CNTNAP4: variants seen among roughly 807,000 people sequenced by gnomAD.
The protein encoded by CNTNAP4 is contactin-associated protein-like 4.
Under a neutral mutation model 148.4 loss-of-function variants are expected in CNTNAP4, and 98 were observed. The ratio of observed to expected loss-of-function variants is 0.66; its 90% CI spans 0.56 to 0.78. CNTNAP4 has a LOEUF of 0.78. Ranked by LOEUF, CNTNAP4 falls within the 30% of genes least tolerant of loss-of-function variation. CNTNAP4 has a pLI of 0.00. For missense variants in CNTNAP4, 1,935 were observed against 1,565.6 expected, an observed-to-expected ratio of 1.24 and a Z score of -3.98; for synonymous variants, 730 against 565.1, an observed-to-expected ratio of 1.29 and a Z score of -4.14.
chr16:76,322,131 G>A (rs531874138), intron 2 of CNTNAP4, among the ~76,000 whole-genome samples: 1 of 152,334 alleles, frequency 6.6e-6, no homozygotes, highest in African/African-American at 2.4e-5. Flanking sequence ...CCGATGTGCT[G>A]AGAGTATGCC....
At chr16:76,302,222 A>C (rs533610138) in intron 1 of CNTNAP4, among the ~76,000 whole-genome samples, 1 of 152,192 alleles carries the variant, frequency 6.6e-6, no homozygotes, top group Admixed American at 6.5e-5. Flanking sequence ...AGAAAGTGAC[A>C]AAAAGCAAGC....
At chr16:76,380,571 G>T (rs558580055) in intron 3 of CNTNAP4, among the ~76,000 whole-genome samples, 3 of 152,112 alleles carry the variant, frequency 2.0e-5, no homozygotes, top group Non-Finnish European at 2.9e-5. Context: ...CAAGCGAAGT[G>T]TAACAATAAG....
At chr16:76,382,309 T>A (rs967334281) in intron 3 of CNTNAP4, among the ~76,000 whole-genome samples, 9 of 152,110 alleles carry the variant, frequency 5.9e-5, no homozygotes, top group Admixed American at 2.6e-4. Flanking sequence ...GTTGAAGGCA[T>A]AAATACATAG....
chr16:76,448,169 C>G lies in CNTNAP4; in HGVS notation c.696C>G (p.Ile232Met). The stretch of plus-strand genomic sequence containing the variant: ...GGGAAGGGCCAAATGGAGATCACAT[C>G]ACACTGCAATTAAGAAGAGCAAGAC... The part of the protein sequence containing the change: ...LHREGPNGDH[I>M]TLQLRRARLF... Residue 232 changes from isoleucine (I) to methionine (M), a missense_variant, in exon 5 of 24, where the codon ATC becomes ATG. By Grantham distance (10) the Ile-to-Met change is conservative (BLOSUM62 1). Coordinates refer to ENST00000611870, the MANE Select transcript of CNTNAP4 (RefSeq NM_033401.5). 1 of 1,613,532 alleles carries G rather than the reference C, an allele frequency of 6.2e-7. No individual in the cohort carries two copies. Among genetic ancestry groups the G allele is most frequent in the Admixed American group, 1.7e-5 (1 of 60,010 alleles).
At chr16:76,474,214 A>G (rs1041131093) in intron 10 of CNTNAP4, among the ~76,000 whole-genome samples, 6 of 152,188 alleles carry the variant, frequency 3.9e-5, no homozygotes, top group African/African-American at 1.4e-4. Flanking sequence ...CAGGGGCTGT[A>G]TCTTTCTTAA....
chr16:76,369,496 C>T (rs969343005), intron 3 of CNTNAP4, among the ~76,000 whole-genome samples: 2 of 152,068 alleles, frequency 1.3e-5, no homozygotes, highest in South Asian at 2.1e-4. Flanking sequence ...TCTGAAGACC[C>T]AAGGACCAGA....
chr16:76,447,595 A>T (rs946206337), intron 4 of CNTNAP4, among the ~76,000 whole-genome samples: 1 of 152,134 alleles, frequency 6.6e-6, no homozygotes, highest in African/African-American at 2.4e-5. Context: ...GTGTAGAGAC[A>T]ATATGCATTC....
At chr16:76,376,181 A>G (rs2015393693) in intron 3 of CNTNAP4, among the ~76,000 whole-genome samples, 1 of 151,988 alleles carries the variant, frequency 6.6e-6, no homozygotes, top group African/African-American at 2.4e-5. Flanking sequence ...ACCTTTATGC[A>G]ATTAAATGCA....
At chr16:76,474,738 T>C (rs2081502728) in intron 10 of CNTNAP4, among the ~76,000 whole-genome samples, 1 of 152,140 alleles carries the variant, frequency 6.6e-6, no homozygotes, top group Admixed American at 6.5e-5. Context: ...TCCAAACTTT[T>C]TCATCTATGG....
chr16:76,451,621 G>GTGTGTGTGTA (rs1458990234), intron 7 of CNTNAP4, among the ~76,000 whole-genome samples: 2 of 151,670 alleles, frequency 1.3e-5, no homozygotes, highest in African/African-American at 4.8e-5. Flanking sequence ...GTGTGTGTGT[G>GTGTGTGTGTA]TGTGTGTGTG....
intron 1 of CNTNAP4, among the ~76,000 whole-genome samples, chr16:76,306,755 A>C (rs1960517757): frequency 6.6e-6 from 1 of 152,188 alleles, no homozygotes; most frequent in South Asian, 2.1e-4. Flanking sequence ...TTCTTTGCTT[A>C]ATGGTATTGG....
At chr16:76,536,201 T>A (rs1293888842) in intron 18 of CNTNAP4, among the ~76,000 whole-genome samples, 4 of 152,046 alleles carry the variant, frequency 2.6e-5, no homozygotes, top group Admixed American at 2.6e-4. Flanking sequence ...CTTTTTTTTT[T>A]ATTTGAGACT....
At chr16:76,371,667 G>C (rs915718789) in intron 3 of CNTNAP4, among the ~76,000 whole-genome samples, 4 of 152,150 alleles carry the variant, frequency 2.6e-5, no homozygotes, top group African/African-American at 9.7e-5. Context: ...GAAATGTTTT[G>C]CTTAGCTGGA....
chr16:76,371,280 TTTTTGTTTTG>T (rs761683272), intron 3 of CNTNAP4, among the ~76,000 whole-genome samples: 4 of 151,952 alleles, frequency 2.6e-5, no homozygotes, highest in South Asian at 2.1e-4. Flanking sequence ...CTGTTTTCGT[TTTTTGTTTTG>T]TTTTGTTTTG....
intron 8 of CNTNAP4, among the ~76,000 whole-genome samples, chr16:76,458,839 T>G (rs756535539): frequency 6.6e-5 from 10 of 152,320 alleles, no homozygotes; most frequent in Middle Eastern, 3.4e-3. Flanking sequence ...ATAGACCCAG[T>G]AATGGGATTG....
At chr16:76,513,107 T>C (rs772459971) in intron 15 of CNTNAP4, among the ~76,000 whole-genome samples, 3 of 152,168 alleles carry the variant, frequency 2.0e-5, no homozygotes, top group Non-Finnish European at 2.9e-5. Flanking sequence ...ATAGCATGTC[T>C]GTGTTAGTAA....
At chr16:76,439,308 CTT>C (rs1464127253) in intron 4 of CNTNAP4, among the ~76,000 whole-genome samples, 1 of 151,716 alleles carries the variant, frequency 6.6e-6, no homozygotes, top group East Asian at 1.9e-4. Context: ...AGAGAGATAA[CTT>C]TGAGATAAAC....
Position 76,328,409 on chromosome 16 carries a change from C to G in CNTNAP4, c.196+11886C>G, listed in dbSNP as rs114489488. Among the ~76,000 whole-genome samples, 809 of 152,214 alleles carry G rather than the reference C, an allele frequency of 5.3e-3. 3 individuals carry two copies. Among genetic ancestry groups the G allele is most frequent in the African/African-American group, 0.013 (553 of 41,516 alleles). On this transcript the variant is annotated intron_variant, in intron 2 of 23. Transcript: ENST00000611870. ...TAAGGTTGTCAAAAAACAAGGAAAG[C>G]CTGAAACGGTCATAACCAAAAGGAG... is the stretch of plus-strand genomic sequence containing the variant.
At chr16:76,520,250 C>T (rs1241497717) in intron 15 of CNTNAP4, among the ~76,000 whole-genome samples, 1 of 152,140 alleles carries the variant, frequency 6.6e-6, no homozygotes, top group South Asian at 2.1e-4. Context: ...CCTGTCAGCT[C>T]ATGCTGTTGC....
Sources: allele counts gnomAD v4.1 joint callset (sites outside exome capture counted in the v4.1 genomes callset), GRCh38; gene constraint gnomAD v4.1.1; transcripts MANE v1.5; gene names NCBI Gene and HGNC (gene_info 2026-07-23, HGNC 2026-07-21).